ZYG11B: variants seen among roughly 807,000 people sequenced by gnomAD.
The protein encoded by ZYG11B is protein zyg-11 homolog B.
ZYG11B carries 36 observed loss-of-function variants against 82.4 expected under a neutral mutation model. The observed-to-expected ratio is 0.44, with a 90% CI of 0.33 to 0.58. The LOEUF (loss-of-function observed/expected upper bound fraction) is 0.58, where lower values mean the gene tolerates loss of function less well. Ranked by LOEUF, ZYG11B falls within the 20% of genes least tolerant of loss-of-function variation. The pLI, the probability that ZYG11B is intolerant of heterozygous loss-of-function variation, is 0.02. For missense variants in ZYG11B, 552 were observed against 895.6 expected (o/e 0.62, Z 4.90); for synonymous variants, 303 against 312.8 (o/e 0.97, Z 0.33).
intron 2 of ZYG11B, among the ~76,000 whole-genome samples, chr1:52,769,794 T>A (rs1056569971): frequency 6.6e-6 from 1 of 152,178 alleles, no homozygotes. Context: ...GCCTTAGAGT[T>A]CCTCTCATGA....
chr1:52,786,816 C>T (rs370602494), intron 5 of ZYG11B, among the ~76,000 whole-genome samples: 96 of 152,164 alleles, frequency 6.3e-4, no homozygotes, highest in African/African-American at 2.1e-3. Context: ...TCGAGCCGGG[C>T]GTTGTGGCTC....
intron 10 of ZYG11B, chr1:52,805,390 A>G: frequency 2.2e-6 from 1 of 445,430 alleles, no homozygotes; most frequent in Non-Finnish European, 4.5e-6. Flanking sequence ...TCATTATATA[A>G]GGTAGAAAAT....
chr1:52,768,018 G>T (rs1644712910), intron 2 of ZYG11B, among the ~76,000 whole-genome samples: 1 of 152,202 alleles, frequency 6.6e-6, no homozygotes, highest in South Asian at 2.1e-4. Context: ...CACCTCCCCT[G>T]TGGGCAGATT....
intron 1 of ZYG11B, among the ~76,000 whole-genome samples, chr1:52,747,306 AT>A (rs11358595): frequency 0.59 from 85,737 of 144,526 alleles, 27,227 homozygotes; most frequent in East Asian, 0.97. Flanking sequence ...TTCACTTTTG[AT>A]TTTTTTTTTT....
chr1:52,762,547 G>A (rs1296550443), intron 2 of ZYG11B, among the ~76,000 whole-genome samples: 1 of 151,712 alleles, frequency 6.6e-6, no homozygotes. Flanking sequence ...CTTCTCAGAT[G>A]AATGTCCTGA....
At chr1:52,775,018 G>T (rs1644792287) in intron 3 of ZYG11B, among the ~76,000 whole-genome samples, 1 of 151,122 alleles carries the variant, frequency 6.6e-6, no homozygotes. Context: ...TGTCATAATT[G>T]ATCTTTGCCT....
intron 13 of ZYG11B, among the ~76,000 whole-genome samples, chr1:52,820,104 C>T (rs922241409): frequency 8.6e-5 from 13 of 150,764 alleles, no homozygotes; most frequent in South Asian, 2.1e-4. Context: ...TTAGTAGAGA[C>T]GGGGTTTCAC....
Position 52,771,129 on chromosome 1 carries a change from C to T in ZYG11B, c.306C>T (p.Phe102=). 6.2e-7 allele frequency: 1 copy of T among 1,614,214 alleles called. No homozygotes were observed. The highest frequency in any genetic ancestry group is 8.5e-7 in the Non-Finnish European group (1 of 1,180,034). ...KISAVAFRKA[F]CHHKLVELDA... is the part of the protein sequence containing the mutation. ...CTGCTGTTGCTTTCCGGAAAGCTTTCTGCCACCACAAGTTAGTGGAACTTG... is the reference window on the plus strand; with the variant it reads ...CTGCTGTTGCTTTCCGGAAAGCTTTTTGCCACCACAAGTTAGTGGAACTTG... The change falls in exon 3 of 14, where the codon TTC becomes TTT. Residue 102 remains phenylalanine, a synonymous_variant. Coordinates refer to ENST00000294353, the MANE Select transcript of ZYG11B (RefSeq NM_024646.3). This position sits in a 1 kb window ranked among gnomAD's most constrained non-coding sequence, Gnocchi z 5.4.
chr1:52,772,098 G>T, intron 3 of ZYG11B: 1 of 839,578 alleles, frequency 1.2e-6, no homozygotes, highest in Non-Finnish European at 2.0e-6. Flanking sequence ...ATAATGTTTA[G>T]CTATTTTGAA....
chr1:52,764,581 T>C (rs1644664898), intron 2 of ZYG11B, among the ~76,000 whole-genome samples: 1 of 152,208 alleles, frequency 6.6e-6, no homozygotes, highest in Non-Finnish European at 1.5e-5. Flanking sequence ...TTGATAATTA[T>C]AACTCCCTCA....
At chr1:52,752,481 A>G (rs1217750676) in intron 1 of ZYG11B, among the ~76,000 whole-genome samples, 1 of 152,128 alleles carries the variant, frequency 6.6e-6, no homozygotes, top group Non-Finnish European at 1.5e-5. Flanking sequence ...ATCATTGGCC[A>G]TTGGTTATTA....
chr1:52,743,079 G>A (rs1644447100), intron 1 of ZYG11B, among the ~76,000 whole-genome samples: 1 of 151,956 alleles, frequency 6.6e-6, no homozygotes, highest in Non-Finnish European at 1.5e-5. Flanking sequence ...ATTGTGAACG[G>A]GCCATGATGA....
chr1:52,790,772 TC>T (rs1221619322), intron 6 of ZYG11B, among the ~76,000 whole-genome samples: 1 of 111,724 alleles, frequency 9.0e-6, no homozygotes, highest in Non-Finnish European at 1.7e-5. Flanking sequence ...GGTCCAGTGT[TC>T]TTTTTTTTTT....
intron 8 of ZYG11B, among the ~76,000 whole-genome samples, chr1:52,797,547 G>A (rs1335536385): frequency 8.1e-6 from 1 of 123,952 alleles, no homozygotes; most frequent in African/African-American, 3.0e-5. Flanking sequence ...TCGCACTGTC[G>A]CCCAGGCTGG....
At chr1:52,814,415 A>C (rs1242991067) in intron 12 of ZYG11B, among the ~76,000 whole-genome samples, 1 of 152,238 alleles carries the variant, frequency 6.6e-6, no homozygotes, top group Non-Finnish European at 1.5e-5. Flanking sequence ...GTTGAAGACA[A>C]GTGCTAGGAA....
chr1:52,753,806 G>A (rs1275589576), intron 1 of ZYG11B, among the ~76,000 whole-genome samples: 2 of 152,050 alleles, frequency 1.3e-5, no homozygotes, highest in Admixed American at 1.3e-4. Context: ...ATGTTGGTCA[G>A]GCTGGTCTTG....
intron 1 of ZYG11B, among the ~76,000 whole-genome samples, chr1:52,744,712 C>G (rs189537834): frequency 6.6e-6 from 1 of 152,062 alleles, no homozygotes; most frequent in African/African-American, 2.4e-5. Context: ...CATGGTGGCA[C>G]GCGCCTGTAG....
intron 5 of ZYG11B, among the ~76,000 whole-genome samples, chr1:52,787,295 G>A (rs1644920863): frequency 6.6e-6 from 1 of 152,126 alleles, no homozygotes; most frequent in African/African-American, 2.4e-5. Context: ...AAATGCAGAA[G>A]AGTACATACA....
chr1:52,757,993 A>T (rs1644594019), intron 2 of ZYG11B, among the ~76,000 whole-genome samples: 2 of 151,886 alleles, frequency 1.3e-5, no homozygotes, highest in African/African-American at 4.8e-5. Flanking sequence ...CGAGGTCAGG[A>T]GTTCGAGACC....
Sources: gnomAD v4.1 joint callset for allele counts (sites outside exome capture counted in the v4.1 genomes callset) on GRCh38, gnomAD v4.1.1 for gene constraint, Gnocchi (gnomAD v3.1) non-coding constraint, MANE v1.5 for transcripts, NCBI Gene and HGNC (gene_info 2026-07-23, HGNC 2026-07-21) for gene names.